PHF14: variants seen among roughly 807,000 people sequenced by gnomAD.
The protein encoded by PHF14 is PHD finger protein 14.
Under a neutral mutation model 117.9 loss-of-function variants are expected in PHF14, and 55 were observed. The observed-to-expected ratio is 0.47, with a 90% CI of 0.38 to 0.58. The LOEUF (loss-of-function observed/expected upper bound fraction) is 0.58, where lower values mean the gene tolerates loss of function less well. Ranked by LOEUF, PHF14 falls within the 20% of genes least tolerant of loss-of-function variation. The probability of loss-of-function intolerance (pLI) is 0.00; values close to 1 mark genes in which losing one functional copy is unlikely to be tolerated. For missense variants in PHF14, 978 were observed against 1,122.2 expected (o/e 0.87, Z 1.84); for synonymous variants, 409 against 368.6 (o/e 1.11, Z -1.26).
chr7:11,006,579 A>T (rs962288139), intron 4 of PHF14: 50 of 601,998 alleles, frequency 8.3e-5, no homozygotes, highest in Non-Finnish European at 5.7e-5. Flanking sequence ...TTCCTCAGTG[A>T]ACACAAGCAT....
intron 16 of PHF14, among the ~76,000 whole-genome samples, chr7:11,089,941 T>C (rs2128338522): frequency 6.6e-6 from 1 of 152,256 alleles, no homozygotes; most frequent in African/African-American, 2.4e-5. Context: ...CCGGCTAATT[T>C]TGTATTTTTA....
intron 17 of PHF14, among the ~76,000 whole-genome samples, chr7:11,159,228 T>C (rs62438684): frequency 6.6e-6 from 1 of 151,810 alleles, no homozygotes; most frequent in East Asian, 1.9e-4. Flanking sequence ...AAGATTGTTA[T>C]AATGCCATTT....
intron 16 of PHF14, 24 bp from the exon 17 acceptor site, chr7:11,111,326 C>T: frequency 1.8e-6 from 2 of 1,110,716 alleles, no homozygotes; most frequent in Non-Finnish European, 2.7e-6. Context: ...GATACACCTA[C>T]CTATAAATCT....
chr7:11,168,102 A>C (rs1485869354), intron 17 of PHF14, among the ~76,000 whole-genome samples: 2 of 152,176 alleles, frequency 1.3e-5, no homozygotes, highest in Non-Finnish European at 2.9e-5. Context: ...ATTTTCAAGA[A>C]TCAAACTTAA....
chr7:11,110,071 T>G (rs1221106038), intron 16 of PHF14: 1 of 151,928 alleles, frequency 6.6e-6, no homozygotes, highest in African/African-American at 2.4e-5. Context: ...ATTGGACTTT[T>G]GTATCATAAT....
chr7:10,981,126 C>T (rs1197324549), intron 2 of PHF14, among the ~76,000 whole-genome samples: 6 of 152,022 alleles, frequency 3.9e-5, no homozygotes, highest in Non-Finnish European at 5.9e-5. Flanking sequence ...TCACTAGATA[C>T]CAGATACTAA....
At chr7:11,012,050 C>T (rs1254620231) in intron 4 of PHF14, among the ~76,000 whole-genome samples, 1 of 152,026 alleles carries the variant, frequency 6.6e-6, no homozygotes, top group Non-Finnish European at 1.5e-5. Flanking sequence ...CATTGCTTAC[C>T]AGCAGATTTT....
At chr7:10,975,775 A>C (rs1421981135) in intron 2 of PHF14, among the ~76,000 whole-genome samples, 2 of 152,188 alleles carry the variant, frequency 1.3e-5, no homozygotes, top group Non-Finnish European at 2.9e-5. Context: ...AATGAGAAGT[A>C]AAAGCCTTTC....
intron 17 of PHF14, among the ~76,000 whole-genome samples, chr7:11,165,344 C>T (rs542793119): frequency 8.9e-4 from 136 of 152,118 alleles, no homozygotes; most frequent in Middle Eastern, 3.4e-3. Context: ...GGTGATGTGC[C>T]GTTTTTAATA....
intron 16 of PHF14, among the ~76,000 whole-genome samples, chr7:11,088,876 A>G (rs1411116685): frequency 6.6e-6 from 1 of 152,144 alleles, no homozygotes; most frequent in African/African-American, 2.4e-5. Context: ...AGGAATGAGG[A>G]AACCTGTTTT....
At chr7:11,040,008 C>T (rs149668807) in intron 11 of PHF14, among the ~76,000 whole-genome samples, 52 of 152,202 alleles carry the variant, frequency 3.4e-4, no homozygotes, top group African/African-American at 1.2e-3. Flanking sequence ...ATACTATCTA[C>T]CATAAAAGAC....
chr7:11,128,210 T>A (rs933350801), intron 17 of PHF14, among the ~76,000 whole-genome samples: 2 of 152,086 alleles, frequency 1.3e-5, no homozygotes, highest in Non-Finnish European at 2.9e-5. Context: ...TGTGATCTCC[T>A]TATCAGATTT....
intron 16 of PHF14, chr7:11,071,246 A>G (rs1271214448): frequency 3.9e-6 from 2 of 518,304 alleles, no homozygotes; most frequent in East Asian, 1.1e-4. Context: ...TGATATTCAA[A>G]GACTATATAT....
At chr7:11,074,216 C>CT (rs796725577) in intron 16 of PHF14, among the ~76,000 whole-genome samples, 1,957 of 143,458 alleles carry the variant, frequency 0.014, 42 homozygotes, top group East Asian at 0.1. Flanking sequence ...TTCTTTTTTT[C>CT]TTTTTTTTTT....
chr7:11,098,938 G>A, intron 16 of PHF14, among the ~76,000 whole-genome samples: 1 of 152,154 alleles, frequency 6.6e-6, no homozygotes, highest in Non-Finnish European at 1.5e-5. Flanking sequence ...ATGTCACGAA[G>A]AGATTAGATT....
chr7:11,114,468 T>A (rs999050533), intron 17 of PHF14, among the ~76,000 whole-genome samples: 1 of 152,116 alleles, frequency 6.6e-6, no homozygotes, highest in Non-Finnish European at 1.5e-5. Context: ...GTAAGTCTAA[T>A]AAGATTCATC....
At chr7:11,156,405 G>A (rs1157416906) in intron 17 of PHF14, among the ~76,000 whole-genome samples, 2 of 152,204 alleles carry the variant, frequency 1.3e-5, no homozygotes, top group African/African-American at 2.4e-5. Flanking sequence ...CAATAAAACT[G>A]AAGATTAATG....
chr7:11,032,485 G>C (rs1784151973), intron 7 of PHF14, among the ~76,000 whole-genome samples: 1 of 146,752 alleles, frequency 6.8e-6, no homozygotes, highest in South Asian at 2.1e-4. Flanking sequence ...GTTTTACCCA[G>C]GGAGCTTTGT....
chr7:11,038,993 T>G, intron 11 of PHF14, 138 bp downstream of exon 11: 1 of 350,818 alleles, frequency 2.9e-6, no homozygotes, highest in Non-Finnish European at 5.2e-6. Context: ...GGGATAATGA[T>G]TTCTGCTTGA....
Sources: allele counts gnomAD v4.1 joint callset (sites outside exome capture counted in the v4.1 genomes callset), GRCh38; gene constraint gnomAD v4.1.1; transcripts MANE v1.5; gene names NCBI Gene and HGNC (gene_info 2026-07-23, HGNC 2026-07-21).